Variants in LARP1 observed in about 807,000 individuals in gnomAD.
LARP1 encodes la-related protein 1.
In LARP1, 36 loss-of-function variants were observed where a neutral mutation model predicts 122.7. The ratio of observed to expected loss-of-function variants is 0.29; its 90% CI spans 0.22 to 0.39. The LOEUF (loss-of-function observed/expected upper bound fraction) is 0.39, where lower values mean the gene tolerates loss of function less well. Among genes scored for constraint, LARP1 ranks in the 10% least tolerant of loss-of-function variants. The pLI, the probability that LARP1 is intolerant of heterozygous loss-of-function variation, is 1.00. For missense variants in LARP1, 1,040 were observed against 1,403.6 expected (o/e 0.74, Z 4.14); for synonymous variants, 539 against 528.7 (o/e 1.02, Z -0.27).
chr5:154,750,981 T>G (rs1753453995), upstream of LARP1, among the ~76,000 whole-genome samples: 1 of 152,206 alleles, frequency 6.6e-6, no homozygotes, highest in Admixed American at 6.5e-5. Flanking sequence ...ACTTTCTGCC[T>G]AAAGCATATT....
At chr5:154,760,759 A>T (rs367737504) in intron 1 of LARP1, among the ~76,000 whole-genome samples, 3 of 152,358 alleles carry the variant, frequency 2.0e-5, no homozygotes, top group African/African-American at 7.2e-5. Context: ...TACAAGACAC[A>T]CTATTTCCAA....
At chr5:154,788,560 G>C (rs1050313510) in intron 1 of LARP1, among the ~76,000 whole-genome samples, 2 of 152,154 alleles carry the variant, frequency 1.3e-5, no homozygotes, top group African/African-American at 4.8e-5. Context: ...TCTCGCCCTG[G>C]CATGGCTGGC....
In LARP1 at chr5:154,803,862, C is replaced by A; in HGVS notation, c.2439+117C>A. ...GGAAGTGCTAAATCCTTCACCTGCT[C>A]TGTGTTCTGAGGCTGGTGGGCTTAC... On this transcript the variant is annotated intron_variant, in intron 13 of 18. Transcript: ENST00000518297. The surrounding 1 kb of genome is among the most constrained non-coding windows in gnomAD (Gnocchi z 4.4). 3 of 1,082,616 alleles carry A rather than the reference C, an allele frequency of 2.8e-6. No individual in the cohort carries two copies. Among genetic ancestry groups the A allele is most frequent in the Admixed American group, 4.0e-5 (2 of 49,572 alleles). 67.1% of individuals were successfully genotyped at this position (1,082,616 alleles called of 1,614,324 possible). A position where few individuals can be genotyped will look rare whatever the true frequency, so the allele number is the denominator to read the frequency against.
chr5:154,809,939 C>T (rs549599105), intron 16 of LARP1, among the ~76,000 whole-genome samples: 2 of 152,048 alleles, frequency 1.3e-5, no homozygotes, highest in African/African-American at 4.8e-5. Flanking sequence ...GATCTCCTGA[C>T]CTTGTGATCC....
chr5:154,802,261 AG>A lies in LARP1; in HGVS notation c.1978del (p.Asp660ThrfsTer12). On this transcript the variant is annotated frameshift_variant, in exon 11 of 19. Transcript: ENST00000518297. LOFTEE classifies it high-confidence loss of function. This position sits in a 1 kb window ranked among gnomAD's most constrained non-coding sequence, Gnocchi z 5.1. ...CACCACATTACATGCGCCGGCACCC[AG>A]GGGGGGACCGCACAGGCAACCACAC... Reference protein sequence around the residue: ...QTPHYMRRHPGGDRTGNHTSR... With the variant: ...QTPHYMRRHPXGDRTGNHTSR... 6.2e-7 allele frequency: 1 copy of A among 1,614,082 alleles called. No homozygotes were observed. The highest frequency in any genetic ancestry group is 8.5e-7 in the Non-Finnish European group (1 of 1,179,994).
At chr5:154,716,306 A>G (rs970864304) in intron 1 of LARP1, among the ~76,000 whole-genome samples, 13 of 152,048 alleles carry the variant, frequency 8.5e-5, no homozygotes, top group African/African-American at 3.1e-4. Context: ...TTTTTAGTAG[A>G]GATGGGGTTT....
At chr5:154,705,431 G>A (rs1005567559) in intron 1 of LARP1, among the ~76,000 whole-genome samples, 69 of 152,004 alleles carry the variant, frequency 4.5e-4, no homozygotes, top group African/African-American at 1.5e-3. Flanking sequence ...GAGTGCAAGT[G>A]GTGCAGTATC....
At chr5:154,713,142 C>A in intron 1 of LARP1, 1 of 1,605,496 alleles carries the variant, frequency 6.2e-7, no homozygotes, top group Non-Finnish European at 8.5e-7. Flanking sequence ...TGAGTCCTAG[C>A]ACTCTGCGTT....
chr5:154,691,267 A>AG (rs1754191062), intron 1 of LARP1, among the ~76,000 whole-genome samples: 1 of 151,148 alleles, frequency 6.6e-6, no homozygotes, highest in Non-Finnish European at 1.5e-5. Context: ...GTCTCAAAAA[A>AG]AAAAAAAAGA....
chr5:154,755,115 G>C (rs988426343), upstream of LARP1, among the ~76,000 whole-genome samples: 6 of 151,600 alleles, frequency 4.0e-5, no homozygotes, highest in South Asian at 2.1e-4. Flanking sequence ...GCTCGCCCCC[G>C]TCCGGTCTGA....
chr5:154,772,773 C>T (rs1561587635), intron 1 of LARP1, among the ~76,000 whole-genome samples: 1 of 152,098 alleles, frequency 6.6e-6, no homozygotes, highest in Non-Finnish European at 1.5e-5. Context: ...CCACAACCTC[C>T]GCCTCCCAGG....
chr5:154,756,531 C>A, intron 1 of LARP1: 3 of 984,016 alleles, frequency 3.0e-6, no homozygotes, highest in Non-Finnish European at 3.6e-6. Flanking sequence ...GTGTAAGAGA[C>A]GGTTTCTGGT....
At chr5:154,792,406 C>T (rs1388360350) in intron 3 of LARP1, among the ~76,000 whole-genome samples, 1 of 152,202 alleles carries the variant, frequency 6.6e-6, no homozygotes, top group South Asian at 2.1e-4. Context: ...GACTTGGAAG[C>T]TGGAGAGATA....
rs142749231 is a variant in LARP1, at chr5:154,765,932, T to G, written c.436+9739T>G. On this transcript the variant is annotated intron_variant, in intron 1 of 18. Transcript: ENST00000518297. ...ATAAAAAGTCTCTGCAAGAAACACA[T>G]GCACTCAAAATTCAGTATGGAATAT... Among the ~76,000 whole-genome samples the G allele has an allele frequency of 3.7e-4, 56 of 152,326 alleles. No homozygotes were observed. The South Asian group carries it at 7.2e-3, about 20-fold the overall frequency.
intron 1 of LARP1, among the ~76,000 whole-genome samples, chr5:154,703,087 C>T (rs756339376): frequency 2.3e-5 from 3 of 131,012 alleles, no homozygotes; most frequent in Non-Finnish European, 3.1e-5. Context: ...CACCACTGCA[C>T]TCTAGCCGGG....
rs1758540403 is a variant in LARP1, at chr5:154,803,836, A to C, written c.2439+91A>C. ...TCTCTCCCTTGCCTTGTCTGAGCTA[A>C]GGAAGTGCTAAATCCTTCACCTGCT... On this transcript the variant is annotated intron_variant, in intron 13 of 18. Transcript: ENST00000518297. This position sits in a 1 kb window ranked among gnomAD's most constrained non-coding sequence, Gnocchi z 4.4. The C allele has an allele frequency of 1.5e-6, 2 of 1,312,130 alleles. No individual in the cohort carries two copies. The highest frequency in any genetic ancestry group is 2.2e-6 in the Non-Finnish European group (2 of 927,072). 81.3% of individuals were successfully genotyped at this position (1,312,130 alleles called of 1,614,324 possible).
At chr5:154,795,398 G>T in intron 8 of LARP1, 79 bp downstream of exon 8, 1 of 1,460,140 alleles carries the variant, frequency 6.8e-7, no homozygotes, top group Non-Finnish European at 9.4e-7. Context: ...AAGGCAGAAA[G>T]CCCTGGAAGA....
intron 8 of LARP1, among the ~76,000 whole-genome samples, chr5:154,796,589 A>G (rs1757872100): frequency 6.6e-6 from 1 of 152,126 alleles, no homozygotes; most frequent in Non-Finnish European, 1.5e-5. Context: ...TGTCAAGAAT[A>G]CTTTATCATA....
intron 1 of LARP1, among the ~76,000 whole-genome samples, chr5:154,706,596 A>G (rs186365984): frequency 6.6e-6 from 1 of 152,118 alleles, no homozygotes; most frequent in Admixed American, 6.6e-5. Context: ...TTGAAAAACT[A>G]CCTATCCTGT....
Sources: gnomAD v4.1 joint callset for allele counts (sites outside exome capture counted in the v4.1 genomes callset) on GRCh38, gnomAD v4.1.1 for gene constraint, Gnocchi (gnomAD v3.1) non-coding constraint, MANE v1.5 for transcripts, NCBI Gene and HGNC (gene_info 2026-07-23, HGNC 2026-07-21) for gene names.